COL25A1: variants seen among roughly 807,000 people sequenced by gnomAD.
The protein encoded by COL25A1 is collagen alpha-1(XXV) chain.
COL25A1 carries 103 observed loss-of-function variants against 128.4 expected under a neutral mutation model. That is an observed-to-expected ratio of 0.80 (90% confidence interval 0.68 to 0.94). COL25A1 has a LOEUF of 0.94. COL25A1 is among the 40% of genes least tolerant of loss of function. The pLI, the probability that COL25A1 is intolerant of heterozygous loss-of-function variation, is 0.00. For missense variants in COL25A1, 745 were observed against 840.0 expected (o/e 0.89, Z 1.40); for synonymous variants, 279 against 277.2 (o/e 1.01, Z -0.06).
chr4:109,258,807 C>T (rs1781247995), intron 3 of COL25A1, among the ~76,000 whole-genome samples: 1 of 152,102 alleles, frequency 6.6e-6, no homozygotes, highest in African/African-American at 2.4e-5. Context: ...TTTGTTCTTG[C>T]TATTTTCTAT....
intron 13 of COL25A1, 94 bp from the exon 14 acceptor site, chr4:108,901,266 A>G: frequency 1.1e-6 from 1 of 871,174 alleles, no homozygotes; most frequent in Non-Finnish European, 1.9e-6. Context: ...ATAATTCTCT[A>G]GAAATAGATA....
chr4:109,157,354 T>G (rs1393388656), intron 3 of COL25A1, among the ~76,000 whole-genome samples: 1 of 152,170 alleles, frequency 6.6e-6, no homozygotes, highest in Non-Finnish European at 1.5e-5. Flanking sequence ...TTAACCATTT[T>G]CAATTAACTC....
chr4:109,049,025 T>C (rs1419878055), intron 4 of COL25A1, among the ~76,000 whole-genome samples: 1 of 152,092 alleles, frequency 6.6e-6, no homozygotes, highest in African/African-American at 2.4e-5. Flanking sequence ...CTTTTGACAA[T>C]ACTCTTTAAA....
intron 37 of COL25A1, 86 bp downstream of exon 37, chr4:108,817,311 G>T: frequency 8.3e-7 from 1 of 1,206,234 alleles, no homozygotes; most frequent in Non-Finnish European, 1.2e-6. Flanking sequence ...TTTAATATCC[G>T]AAGGTCTTTT....
intron 24 of COL25A1, among the ~76,000 whole-genome samples, chr4:108,855,195 T>TTTG (rs1553951520): frequency 2.7e-5 from 4 of 147,702 alleles, no homozygotes; most frequent in East Asian, 2.1e-4. Context: ...GTTACTGTTT[T>TTTG]TTTTTTTTAT....
intron 3 of COL25A1, among the ~76,000 whole-genome samples, chr4:109,083,802 T>C (rs1489718043): frequency 2.6e-5 from 4 of 151,862 alleles, no homozygotes; most frequent in Non-Finnish European, 4.4e-5. Flanking sequence ...CTACAGAGAG[T>C]AGGCAGGTTT....
chr4:108,984,876 A>C (rs1404381877), intron 6 of COL25A1, among the ~76,000 whole-genome samples: 4 of 152,272 alleles, frequency 2.6e-5, no homozygotes, highest in Admixed American at 6.5e-5. Flanking sequence ...GCCAAGAGCC[A>C]GCGACGGCTG....
At chr4:109,050,650 T>A (rs953034465) in intron 3 of COL25A1, among the ~76,000 whole-genome samples, 4 of 152,114 alleles carry the variant, frequency 2.6e-5, no homozygotes, top group African/African-American at 7.2e-5. Flanking sequence ...GTTAAATGTA[T>A]ATATTAGTAA....
intron 8 of COL25A1, among the ~76,000 whole-genome samples, chr4:108,951,027 G>T (rs1749361012): frequency 1.3e-5 from 2 of 152,194 alleles, no homozygotes; most frequent in African/African-American, 4.8e-5. Context: ...TGGACTGGAG[G>T]TTTCTGAAAG....
intron 14 of COL25A1, among the ~76,000 whole-genome samples, 189 bp from the exon 15 acceptor site, chr4:108,899,369 T>C (rs1220479501): frequency 6.6e-6 from 1 of 152,136 alleles, no homozygotes; most frequent in East Asian, 1.9e-4. Context: ...AGTATGAATA[T>C]CAATTATCAA....
At chr4:108,935,557 T>C (rs1747296256) in intron 11 of COL25A1, among the ~76,000 whole-genome samples, 1 of 152,200 alleles carries the variant, frequency 6.6e-6, no homozygotes, top group Non-Finnish European at 1.5e-5. Context: ...ATTTTCATTG[T>C]TTCTTAAATG....
intron 23 of COL25A1, among the ~76,000 whole-genome samples, 165 bp from the exon 24 acceptor site, chr4:108,859,898 C>T (rs1736972686): frequency 6.6e-6 from 1 of 152,144 alleles, no homozygotes; most frequent in African/African-American, 2.4e-5. Flanking sequence ...AAAATGTATC[C>T]TTATCTCAAA....
At chr4:109,093,679 G>A (rs542137731) in intron 3 of COL25A1, among the ~76,000 whole-genome samples, 1 of 151,974 alleles carries the variant, frequency 6.6e-6, no homozygotes, top group Non-Finnish European at 1.5e-5. Flanking sequence ...CAAAATGTGG[G>A]TTTTAAAGTA....
At chr4:109,274,770 C>T (rs924457515) in intron 3 of COL25A1, among the ~76,000 whole-genome samples, 14 of 152,112 alleles carry the variant, frequency 9.2e-5, no homozygotes, top group Non-Finnish European at 1.6e-4. Flanking sequence ...GTTAAACTGG[C>T]ACAATGGATA....
chr4:109,294,599 G>A (rs539411518), intron 3 of COL25A1, among the ~76,000 whole-genome samples: 27 of 152,204 alleles, frequency 1.8e-4, no homozygotes, highest in Non-Finnish European at 3.1e-4. Flanking sequence ...GCAAACCAGG[G>A]AGGCTGGGGA....
intron 3 of COL25A1, among the ~76,000 whole-genome samples, chr4:109,256,335 C>A (rs1781085926): frequency 2.0e-5 from 3 of 151,886 alleles, no homozygotes; most frequent in Admixed American, 6.6e-5. Flanking sequence ...TTGCAAATAG[C>A]CTAGCCATAA....
At chr4:108,923,363 T>A (rs1048843784) in intron 11 of COL25A1, among the ~76,000 whole-genome samples, 1 of 151,276 alleles carries the variant, frequency 6.6e-6, no homozygotes, top group African/African-American at 2.4e-5. Context: ...GTTTCTCTTT[T>A]GAGACAGGGT....
At chr4:108,969,005 A>G (rs1170269187) in intron 8 of COL25A1, among the ~76,000 whole-genome samples, 1 of 152,112 alleles carries the variant, frequency 6.6e-6, no homozygotes, top group Non-Finnish European at 1.5e-5. Flanking sequence ...CTTTTTAAAA[A>G]AACTTTAACC....
At chr4:109,238,625 C>T (rs551665705) in intron 3 of COL25A1, among the ~76,000 whole-genome samples, 169 of 152,074 alleles carry the variant, frequency 1.1e-3, no homozygotes, top group African/African-American at 3.9e-3. Context: ...TGTGCTTGTT[C>T]GTTTACAAAC....
Sources: gnomAD v4.1 joint callset for allele counts (sites outside exome capture counted in the v4.1 genomes callset) on GRCh38, gnomAD v4.1.1 for gene constraint, MANE v1.5 for transcripts, NCBI Gene and HGNC (gene_info 2026-07-23, HGNC 2026-07-21) for gene names.